ITGA9: variants seen among roughly 807,000 people sequenced by gnomAD.
ITGA9 encodes integrin alpha-9.
A neutral mutation model predicts 127.8 loss-of-function variants in ITGA9; 56 were observed. The ratio of observed to expected loss-of-function variants is 0.44; its 90% confidence interval spans 0.35 to 0.55. The LOEUF (loss-of-function observed/expected upper bound fraction) is 0.55. Ranked by LOEUF, ITGA9 falls within the 20% of genes least tolerant of loss-of-function variation. ITGA9 has a pLI of 0.00. For synonymous variants in ITGA9, 508 were observed against 514.5 expected (o/e 0.99, Z 0.17); for missense variants, 1,196 against 1,347.1 (o/e 0.89, Z 1.76).
intron 17 of ITGA9, among the ~76,000 whole-genome samples, chr3:37,675,817 C>A (rs1333092352): frequency 1.4e-5 from 2 of 138,274 alleles, no homozygotes; most frequent in African/African-American, 5.5e-5. Flanking sequence ...GATCTCGGCT[C>A]ACTGCAATTT....
At chr3:37,712,971 C>T (rs1347112311) in intron 18 of ITGA9, among the ~76,000 whole-genome samples, 1 of 152,190 alleles carries the variant, frequency 6.6e-6, no homozygotes, top group Non-Finnish European at 1.5e-5. Context: ...TGGCCAGAGT[C>T]TCACAGATAA....
chr3:37,637,454 G>C (rs1559555149), intron 16 of ITGA9, among the ~76,000 whole-genome samples: 1 of 152,140 alleles, frequency 6.6e-6, no homozygotes, highest in Non-Finnish European at 1.5e-5. Context: ...TGGTGTATAA[G>C]AATGCTTGTG....
chr3:37,478,613 G>C (rs536515578), intron 3 of ITGA9, among the ~76,000 whole-genome samples: 5 of 152,114 alleles, frequency 3.3e-5, no homozygotes, highest in African/African-American at 1.2e-4. Flanking sequence ...CCTCACAGCC[G>C]AACTCATTTG....
intron 14 of ITGA9, among the ~76,000 whole-genome samples, chr3:37,534,905 T>C (rs1464553382): frequency 2.6e-5 from 4 of 152,258 alleles, no homozygotes; most frequent in African/African-American, 9.6e-5. Flanking sequence ...TTTAAGATAC[T>C]ACAGTCTTAA....
chr3:37,736,777 G>C, intron 19 of ITGA9, 127 bp from the exon 20 acceptor site: 5 of 730,508 alleles, frequency 6.8e-6, no homozygotes, highest in Non-Finnish European at 1.2e-5. Context: ...CAGTCAGAAA[G>C]CTATACATAA....
At chr3:37,484,743 C>G (rs997919877) in intron 4 of ITGA9, among the ~76,000 whole-genome samples, 3 of 152,172 alleles carry the variant, frequency 2.0e-5, no homozygotes, top group Non-Finnish European at 4.4e-5. Context: ...AGTCCCGGCT[C>G]TGCTACTTCC....
chr3:37,738,588 C>A (rs888952858), intron 20 of ITGA9, among the ~76,000 whole-genome samples: 5 of 152,198 alleles, frequency 3.3e-5, no homozygotes, highest in African/African-American at 1.2e-4. Flanking sequence ...AGCTTGGCCC[C>A]AGAGCATGAG....
At chr3:37,490,967 C>CCCCA in intron 4 of ITGA9, among the ~76,000 whole-genome samples, 1 of 45,704 alleles carries the variant, frequency 2.2e-5, no homozygotes, top group Non-Finnish European at 6.7e-5. Context: ...GATTTGGCTT[C>CCCCA]CCCCCCGCTT....
rs141413772 is a variant in ITGA9, at chr3:37,639,941, G to A, written c.1839+10605G>A. 5.0e-3 allele frequency among the ~76,000 whole-genome samples: 757 copies of A among 152,264 alleles called. 5 individuals carry two copies. The highest frequency in any genetic ancestry group is 0.027 in the Middle Eastern group (8 of 294). The stretch of plus-strand genomic sequence containing the variant: ...GGTCCTTTATCCCTCCTCCTCAGCT[G>A]AGCATACCAATGGTGATGACAGAGG... On this transcript the variant is annotated intron_variant, in intron 16 of 27. Coordinates refer to ENST00000264741, the MANE Select transcript of ITGA9 (RefSeq NM_002207.3).
Position 37,797,498 on chromosome 3 carries a change from A to T in ITGA9, c.2890-6325A>T, listed in dbSNP as rs187628612. 6.6e-4 allele frequency among the ~76,000 whole-genome samples: 101 copies of T among 152,318 alleles called. 1 individual carries two copies. Among genetic ancestry groups the T allele is most frequent in the African/African-American group, 2.1e-3 (88 of 41,566 alleles). On this transcript the variant is annotated intron_variant, in intron 26 of 27. Transcript: ENST00000264741. ...CAGAGAATGATTAATTCTGCTGAAA[A>T]CAGGAGTAAGGCAGGCTTCTTGGGA...
chr3:37,506,475 A>G (rs542005841), intron 7 of ITGA9, among the ~76,000 whole-genome samples: 1 of 152,276 alleles, frequency 6.6e-6, no homozygotes, highest in African/African-American at 2.4e-5. Context: ...CCAGTCTCAG[A>G]TATCTTTGAG....
chr3:37,817,595 C>A (rs1225332213), intron 27 of ITGA9, among the ~76,000 whole-genome samples: 1 of 152,152 alleles, frequency 6.6e-6, no homozygotes, highest in Non-Finnish European at 1.5e-5. Context: ...TATTTGTACA[C>A]CCGATACAGT....
rs767593596 is a variant in ITGA9 at position 37,513,716 on chromosome 3, G to T, written c.898-47G>T. 3 of 1,612,772 alleles carry T rather than the reference G, an allele frequency of 1.9e-6. No homozygotes were observed. The Admixed American group carries it at 5.0e-5, about 27-fold the overall frequency. ...TGGAGGAAAGCGAGGGCATCCTTGT[G>T]TGAGAGCAGACACTGAATGCTTTGT... is the stretch of plus-strand genomic sequence containing the variant. On this transcript the variant is annotated intron_variant, in intron 8 of 27. Transcript: ENST00000264741.
In ITGA9 at chr3:37,683,927, C is replaced by T. The variant is rs376677064; in HGVS notation, c.1979C>T (p.Ser660Phe). 11 of 1,613,984 alleles carry T rather than the reference C, an allele frequency of 6.8e-6. No individual in the cohort carries two copies. The South Asian group carries it at 8.8e-5, about 13-fold the overall frequency. Residue 660 changes from serine (S) to phenylalanine (F), a missense_variant, in exon 18 of 28, where the codon TCT becomes TTT. By Grantham distance (155) the Ser-to-Phe change is radical. Coordinates refer to ENST00000264741, the MANE Select transcript of ITGA9 (RefSeq NM_002207.3). ...GAVKNISLNI[S>F]ISNLGDDAYD... Reference sequence around the variant, plus strand: ...GTGAAGAACATCTCCCTAAACATCTCTATCTCCAACCTCGGAGATGATGCC... The same window carrying T: ...GTGAAGAACATCTCCCTAAACATCTTTATCTCCAACCTCGGAGATGATGCC...
At chr3:37,690,449 A>G (rs571125684) in intron 18 of ITGA9, among the ~76,000 whole-genome samples, 1 of 152,126 alleles carries the variant, frequency 6.6e-6, no homozygotes, top group Non-Finnish European at 1.5e-5. Context: ...TTTTTAGCCC[A>G]TTCTGGATTT....
At chr3:37,664,439 T>TC (rs1472658526) in intron 17 of ITGA9, among the ~76,000 whole-genome samples, 1 of 150,162 alleles carries the variant, frequency 6.7e-6, no homozygotes, top group Admixed American at 6.6e-5. Flanking sequence ...TTTTTTTTTT[T>TC]TTTAGACGGA....
At chr3:37,628,544 C>T (rs996993100) in intron 15 of ITGA9, among the ~76,000 whole-genome samples, 7 of 152,170 alleles carry the variant, frequency 4.6e-5, no homozygotes, top group African/African-American at 1.7e-4. Context: ...TTCTCATCTC[C>T]TTGCAGCACC....
At chr3:37,485,866 A>T (rs1262476238) in intron 4 of ITGA9, among the ~76,000 whole-genome samples, 1 of 152,208 alleles carries the variant, frequency 6.6e-6, no homozygotes, top group Non-Finnish European at 1.5e-5. Context: ...TCCTTCAGTC[A>T]GTTTAGTTTG....
intron 19 of ITGA9, among the ~76,000 whole-genome samples, chr3:37,734,835 G>A (rs1251268144): frequency 6.6e-6 from 1 of 152,208 alleles, no homozygotes; most frequent in Non-Finnish European, 1.5e-5. Context: ...ACATTGGAAT[G>A]TTGGTTGTTT....
Sources: gnomAD v4.1 joint callset for allele counts (sites outside exome capture counted in the v4.1 genomes callset) on GRCh38, gnomAD v4.1.1 for gene constraint, MANE v1.5 for transcripts, NCBI Gene and HGNC (gene_info 2026-07-23, HGNC 2026-07-21) for gene names.